IMPG2: variants seen among roughly 807,000 people sequenced by gnomAD.
IMPG2 encodes the protein IPM 200.
A neutral mutation model predicts 129.2 loss-of-function variants in IMPG2; 91 were observed. The observed-to-expected ratio is 0.70, with a 90% confidence interval of 0.59 to 0.84. The LOEUF (loss-of-function observed/expected upper bound fraction) is 0.84. Among genes scored for constraint, IMPG2 ranks in the 40% least tolerant of loss-of-function variants. The probability of loss-of-function intolerance (pLI) is 0.00; values close to 1 mark genes in which losing one functional copy is unlikely to be tolerated. For synonymous variants in IMPG2, 510 were observed against 517.7 expected (o/e 0.99, Z 0.20); for missense variants, 1,430 against 1,461.7 (o/e 0.98, Z 0.35).
chr3:101,256,211 A>AAGAAAGAAAGAAAGAAAG (rs1553682317), intron 10 of IMPG2, among the ~76,000 whole-genome samples: 3 of 150,572 alleles, frequency 2.0e-5, no homozygotes, highest in African/African-American at 7.3e-5. Context: ...GAAAGAAAGA[A>AAGAAAGAAAGAAAGAAAG]AGAAAGAAAA....
chr3:101,319,543 G>C, intron 2 of IMPG2, 41 bp downstream of exon 2: 1 of 1,609,166 alleles, frequency 6.2e-7, no homozygotes, highest in Non-Finnish European at 8.5e-7. Flanking sequence ...AACTATGTTT[G>C]AATTTCATTA....
intron 3 of IMPG2, among the ~76,000 whole-genome samples, chr3:101,302,970 A>G (rs1482370957): frequency 6.6e-6 from 1 of 152,180 alleles, no homozygotes; most frequent in South Asian, 2.1e-4. Context: ...CTAAATGTTA[A>G]AAGAATATAA....
chr3:101,226,374 A>T lies in IMPG2; in HGVS notation c.*595T>A, dbSNP rs1202548969. 1 of 150,876 alleles carries T rather than the reference A, an allele frequency of 6.6e-6. No homozygotes were observed. Among genetic ancestry groups the T allele is most frequent in the African/African-American group, 2.5e-5 (1 of 40,782 alleles). 9.3% of individuals were successfully genotyped at this position (150,876 alleles called of 1,614,324 possible). A position where few individuals can be genotyped will look rare whatever the true frequency, so the allele number is the denominator to read the frequency against. On this transcript the variant is annotated 3_prime_UTR_variant, in exon 19 of 19. Transcript: ENST00000193391. ...TTAATATGCTCAGGAAATGCAAGAC[A>T]CTGATAGAAGCATAAAAATACAACC...
In IMPG2 at chr3:101,244,373, T is replaced by C; in HGVS notation, c.1958A>G (p.Asp653Gly). The C allele has an allele frequency of 6.2e-7, 1 of 1,614,152 alleles. No homozygotes were observed. Among genetic ancestry groups the C allele is most frequent in the Non-Finnish European group, 8.5e-7 (1 of 1,180,010 alleles). ...AATTTGGTCTGTGGAATCCATTTTG[T>C]CAACTAAAACTAGTTTCTTGTCTTC... The part of the protein sequence containing the change: ...EIEDKKLVLV[D>G]KMDSTDQISK... The change falls in exon 13 of 19, where the codon GAC becomes GGC. Residue 653 changes from aspartate to glycine, a missense_variant. Physicochemically the swap from Asp to Gly is moderately conservative, Grantham distance 94. Coordinates refer to ENST00000193391, the MANE Select transcript of IMPG2 (RefSeq NM_016247.4).
chr3:101,254,451 G>A (rs2107230577), intron 10 of IMPG2, among the ~76,000 whole-genome samples: 1 of 152,154 alleles, frequency 6.6e-6, no homozygotes, highest in Admixed American at 6.6e-5. Flanking sequence ...TGTATACAAT[G>A]TATGGTAATA....
chr3:101,255,760 T>A (rs747083813), intron 10 of IMPG2, among the ~76,000 whole-genome samples: 1 of 152,084 alleles, frequency 6.6e-6, no homozygotes, highest in Non-Finnish European at 1.5e-5. Context: ...TGTTCACTAT[T>A]TTATCTAGCC....
intron 11 of IMPG2, among the ~76,000 whole-genome samples, chr3:101,253,479 A>G (rs1706566064): frequency 6.6e-6 from 1 of 152,156 alleles, no homozygotes; most frequent in African/African-American, 2.4e-5. Context: ...GAGTTTGGCA[A>G]TGCAGACTTT....
Position 101,232,787 on chromosome 3 carries a change from A to T in IMPG2, c.3227T>A (p.Ile1076Asn), listed in dbSNP as rs1366108789. The change falls in exon 15 of 19, where the codon ATT (isoleucine) becomes AAT (asparagine). Residue 1076 changes from isoleucine (I) to asparagine (N), a missense_variant. Ile to Asn is a moderately radical substitution (Grantham distance 149). Coordinates refer to ENST00000193391, the MANE Select transcript of IMPG2 (RefSeq NM_016247.4). ...KCDIMPGHGA[I>N]CRCRVGENWW... Reference sequence around the variant, plus strand: ...ATCTGTAACTACAACATACCTACAAATGGCCCCGTGCCCAGGCATAATGTC... The same window carrying T: ...ATCTGTAACTACAACATACCTACAATTGGCCCCGTGCCCAGGCATAATGTC... The T allele has an allele frequency of 6.2e-7, 1 of 1,613,576 alleles. No individual in the cohort carries two copies. The highest frequency in any genetic ancestry group is 8.5e-7 in the Non-Finnish European group (1 of 1,179,826).
At chr3:101,274,335 C>T (rs1477185660) in intron 6 of IMPG2, among the ~76,000 whole-genome samples, 11 of 152,144 alleles carry the variant, frequency 7.2e-5, no homozygotes, top group African/African-American at 2.6e-4. Flanking sequence ...AAGCAGCATA[C>T]AGGTCAGCAA....
At chr3:101,303,532 C>T (rs948698215) in intron 3 of IMPG2, among the ~76,000 whole-genome samples, 1 of 152,146 alleles carries the variant, frequency 6.6e-6, no homozygotes, top group Non-Finnish European at 1.5e-5. Context: ...CAATTTGCCA[C>T]GTACGTCTGG....
intron 3 of IMPG2, among the ~76,000 whole-genome samples, chr3:101,294,389 A>G (rs933325502): frequency 2.0e-5 from 3 of 152,170 alleles, no homozygotes; most frequent in African/African-American, 7.2e-5. Flanking sequence ...GATGGCTTCC[A>G]GCTTCATCCA....
rs1706185694 is a variant in IMPG2, at chr3:101,223,353, T to G, written c.*3616A>C. 1 of 152,250 alleles carries G rather than the reference T, an allele frequency of 6.6e-6. No homozygotes were observed. Among genetic ancestry groups the G allele is most frequent in the Admixed American group, 6.5e-5 (1 of 15,286 alleles). The allele number at this position is 152,250 out of a possible 1,614,324, so 9.4% of individuals were successfully genotyped here. A position where few individuals can be genotyped will look rare whatever the true frequency, so the allele number is the denominator to read the frequency against. ...AAAAAATAAAACAAAACAACCCGTTTGGGGTTTGTGTTTTTGTTTTTTTGC... is the reference window on the plus strand; with the variant it reads ...AAAAAATAAAACAAAACAACCCGTTGGGGGTTTGTGTTTTTGTTTTTTTGC... On this transcript the variant is annotated 3_prime_UTR_variant, in exon 19 of 19. Coordinates refer to ENST00000193391, the MANE Select transcript of IMPG2 (RefSeq NM_016247.4).
intron 3 of IMPG2, among the ~76,000 whole-genome samples, chr3:101,302,488 G>T (rs1707149493): frequency 6.6e-6 from 1 of 152,160 alleles, no homozygotes. Flanking sequence ...GAGGCCCAAT[G>T]GTGTGAAGGG....
intron 15 of IMPG2, 141 bp from the exon 16 acceptor site, chr3:101,231,286 A>G (rs1459692642): frequency 1.3e-6 from 1 of 798,000 alleles, no homozygotes; most frequent in Non-Finnish European, 2.1e-6. Context: ...TTGAATAGAC[A>G]GATTAAAAGA....
Position 101,226,836 on chromosome 3 carries a change from C to T in IMPG2, c.*133G>A. The T allele has an allele frequency of 1.2e-6, 1 of 859,602 alleles. No homozygotes were observed. Among genetic ancestry groups the T allele is most frequent in the African/African-American group, 1.7e-5 (1 of 58,560 alleles). The allele number at this position is 859,602 out of a possible 1,614,324, so 53.2% of individuals were successfully genotyped here. ...CTTAAGCTGAAAAAAAAACAGTGTGCCCTATATTTAATTTTTTCATAGAAA... is the reference window on the plus strand; with the variant it reads ...CTTAAGCTGAAAAAAAAACAGTGTGTCCTATATTTAATTTTTTCATAGAAA... On this transcript the variant is annotated 3_prime_UTR_variant, in exon 19 of 19. Transcript: ENST00000193391.
intron 2 of IMPG2, among the ~76,000 whole-genome samples, chr3:101,315,110 C>G (rs2058777361): frequency 6.6e-6 from 1 of 152,236 alleles, no homozygotes; most frequent in East Asian, 1.9e-4. Context: ...CCATGCAGAC[C>G]AGACACACGA....
At chr3:101,295,465 GT>G (rs1707069842) in intron 3 of IMPG2, among the ~76,000 whole-genome samples, 1 of 152,190 alleles carries the variant, frequency 6.6e-6, no homozygotes, top group Admixed American at 6.5e-5. Context: ...GTACCGTGCT[GT>G]TTTGGTTACT....
At position 101,223,530 on chromosome 3, in the gene IMPG2, G is replaced by C. The variant is rs1706187421; in HGVS notation, c.*3439C>G. On this transcript the variant is annotated 3_prime_UTR_variant, in exon 19 of 19. Transcript: ENST00000193391. ...TTGCTGAAAACAGAAATAACATAAAGCTACCAAAAAAATCATGAAATGGAA... is the reference window on the plus strand; with the variant it reads ...TTGCTGAAAACAGAAATAACATAAACCTACCAAAAAAATCATGAAATGGAA... The C allele has an allele frequency of 6.6e-6, 1 of 152,004 alleles. No individual in the cohort carries two copies. 9.4% of individuals were successfully genotyped at this position (152,004 alleles called of 1,614,324 possible).
At chr3:101,243,206 C>G (rs1706429599) in intron 13 of IMPG2, among the ~76,000 whole-genome samples, 1 of 152,134 alleles carries the variant, frequency 6.6e-6, no homozygotes, top group Non-Finnish European at 1.5e-5. Context: ...ACAGTGGAGG[C>G]AACATAGGTA....
Sources: gnomAD v4.1 joint callset for allele counts (sites outside exome capture counted in the v4.1 genomes callset) on GRCh38, gnomAD v4.1.1 for gene constraint, MANE v1.5 for transcripts, NCBI Gene and HGNC (gene_info 2026-07-23, HGNC 2026-07-21) for gene names.